The following RNF220 variants were observed in gnomAD, a reference collection of about 807,000 sequenced individuals.
RNF220 encodes E3 ubiquitin-protein ligase RNF220.
RNF220 carries 7 observed loss-of-function variants against 67.1 expected under a neutral mutation model. That is an observed-to-expected ratio of 0.10 (90% CI 0.06 to 0.20). The LOEUF is 0.20. Among genes scored for constraint, RNF220 ranks in the 10% least tolerant of loss-of-function variants. The pLI is 1.00. For synonymous variants in RNF220, 270 were observed against 283.2 expected (o/e 0.95, Z 0.47); for missense variants, 565 against 740.3 (o/e 0.76, Z 2.75).
At chr1:44,618,188 C>T (rs1557443506) in intron 3 of RNF220, among the ~76,000 whole-genome samples, 1 of 152,228 alleles carries the variant, frequency 6.6e-6, no homozygotes, top group Non-Finnish European at 1.5e-5. Context: ...CTATTTCAGA[C>T]ACACTCACGG....
rs1011978971 is a variant in RNF220, at chr1:44,417,491, G to T, written c.625+4769G>T. On this transcript the variant is annotated intron_variant, in intron 2 of 14. Coordinates refer to ENST00000361799, the MANE Select transcript of RNF220 (RefSeq NM_018150.4). The surrounding 1 kb of genome is among the most constrained non-coding windows in gnomAD (Gnocchi z 4.0). ...GGCGCGCCGCTCGCCTGGCGGCTGG[G>T]CTCGCTGTAGTTGTGCTCCCGCTCT... Among the ~76,000 whole-genome samples, 1 of 152,004 alleles carries T rather than the reference G, an allele frequency of 6.6e-6. No homozygotes were observed. Among genetic ancestry groups the T allele is most frequent in the South Asian group, 2.1e-4 (1 of 4,820 alleles).
intron 1 of RNF220, among the ~76,000 whole-genome samples, chr1:44,406,220 G>T (rs1286927895): frequency 1.4e-5 from 2 of 147,868 alleles, no homozygotes; most frequent in Non-Finnish European, 2.9e-5. Context: ...GGGCGGGTGT[G>T]AAGGGTGTGG....
At position 44,527,923 on chromosome 1, in the gene RNF220, CCCAAAAAAAAA is replaced by C. The variant is rs1238507716; in HGVS notation, c.626-86241_626-86231del. Among the ~76,000 whole-genome samples, 16 of 7,402 alleles carry C rather than the reference CCCAAAAAAAAA, an allele frequency of 2.2e-3. No homozygotes were observed. In the South Asian group the frequency reaches 0.16, roughly 75 times the overall value. The allele number at this position is 7,402 out of a possible 152,430, so 4.9% of individuals were successfully genotyped here. On this transcript the variant is annotated intron_variant, in intron 2 of 14. Transcript: ENST00000361799. ...CCTGGGTGACAGAGCAAGACTCCATCCCAAAAAAAAAAAAAAAAAAAAAAAAAAGTTAAATG... is the reference window on the plus strand; with the variant it reads ...CCTGGGTGACAGAGCAAGACTCCATCAAAAAAAAAAAAAAAAAGTTAAATG...
intron 2 of RNF220, among the ~76,000 whole-genome samples, chr1:44,446,428 G>C (rs750487871): frequency 6.6e-6 from 1 of 152,208 alleles, no homozygotes; most frequent in Admixed American, 6.5e-5. Context: ...TTCTGCTAGA[G>C]AGAGTATGAT....
chr1:44,624,352 T>C lies in RNF220; in HGVS notation c.804+1565T>C, dbSNP rs1643883136. The stretch of plus-strand genomic sequence containing the variant: ...ACTTGGACATCAGTGAGGCCTGTGT[T>C]CTAAGGACAAACCCCTGGCAGACAC... On this transcript the variant is annotated intron_variant, in intron 4 of 14. Transcript: ENST00000361799. This position sits in a 1 kb window ranked among gnomAD's most constrained non-coding sequence, Gnocchi z 4.2. Among the ~76,000 whole-genome samples the C allele has an allele frequency of 6.6e-6, 1 of 152,160 alleles. No homozygotes were observed. Among genetic ancestry groups the C allele is most frequent in the African/African-American group, 2.4e-5 (1 of 41,426 alleles).
chr1:44,409,476 G>A (rs1335166005), intron 1 of RNF220, among the ~76,000 whole-genome samples: 2 of 152,178 alleles, frequency 1.3e-5, no homozygotes, highest in Non-Finnish European at 2.9e-5. Flanking sequence ...CCTTTCAGCG[G>A]GGATGTCAGC....
intron 2 of RNF220, among the ~76,000 whole-genome samples, chr1:44,486,425 A>AAAAT (rs1656312604): frequency 5.3e-5 from 8 of 152,198 alleles, no homozygotes; most frequent in Admixed American, 5.2e-4. Context: ...TTTCTTTTTA[A>AAAAT]AAATAACTTT....
At chr1:44,627,075 G>A (rs1277516135) in intron 5 of RNF220, 5 of 132,744 alleles carry the variant, frequency 3.8e-5, no homozygotes. Context: ...GGCTAGGCGT[G>A]GTGGCTCATG....
At chr1:44,472,194 T>C (rs1386267967) in intron 2 of RNF220, among the ~76,000 whole-genome samples, 1 of 152,242 alleles carries the variant, frequency 6.6e-6, no homozygotes, top group Non-Finnish European at 1.5e-5. Context: ...TACAAGTTTT[T>C]GTGTGGACAT....
intron 1 of RNF220, among the ~76,000 whole-genome samples, chr1:44,406,812 C>T (rs1340643): frequency 1.3e-5 from 2 of 152,262 alleles, no homozygotes; most frequent in Non-Finnish European, 2.9e-5. Flanking sequence ...CGTGTGGCCC[C>T]CCGGGCGAGG....
chr1:44,590,928 G>T (rs112893832), intron 2 of RNF220, among the ~76,000 whole-genome samples: 1 of 152,216 alleles, frequency 6.6e-6, no homozygotes, highest in East Asian at 1.9e-4. Flanking sequence ...CAGGCAGAGG[G>T]AACAGCATGG....
chr1:44,520,085 T>TTGTGTGTGTGTGTGTGTG (rs1167831790), intron 2 of RNF220, among the ~76,000 whole-genome samples: 3 of 106,386 alleles, frequency 2.8e-5, no homozygotes, highest in African/African-American at 7.0e-5. Context: ...AAGTCCAGCA[T>TTGTGTGTGTGTGTGTGTG]TGTGTGTGTG....
At chr1:44,438,914 C>T (rs1366403058) in intron 2 of RNF220, among the ~76,000 whole-genome samples, 2 of 152,174 alleles carry the variant, frequency 1.3e-5, no homozygotes, top group African/African-American at 2.4e-5. Flanking sequence ...ACAGATACTA[C>T]TGTATGTCAA....
intron 2 of RNF220, among the ~76,000 whole-genome samples, chr1:44,535,130 T>C (rs1381416605): frequency 7.3e-6 from 1 of 136,084 alleles, no homozygotes; most frequent in East Asian, 2.1e-4. Context: ...AGGAGGCAGC[T>C]TCTTCTTTTT....
At chr1:44,627,472 T>C (rs1171411882) in intron 5 of RNF220, among the ~76,000 whole-genome samples, 20 of 148,574 alleles carry the variant, frequency 1.3e-4, no homozygotes, top group Admixed American at 1.3e-3. Flanking sequence ...CTTGGGCAAA[T>C]AGGAAGGGAG....
Position 44,626,345 on chromosome 1 carries a change from G to T in RNF220, c.853G>T (p.Ala285Ser). Residue 285 changes from alanine to serine, a missense_variant, in exon 5 of 15, where the codon GCA becomes TCA. Physicochemically the swap from Ala to Ser is moderately conservative, Grantham distance 99. Transcript: ENST00000361799. ...CAAGAGGGAAGGAGAGTCTCCAACG[G>T]CATCACCCCACTCATCTGCCACCGA... ...SIKREGESPTASPHSSATDDL... is the reference protein window; with the variant it reads ...SIKREGESPTSSPHSSATDDL... 6.2e-7 allele frequency: 1 copy of T among 1,614,058 alleles called. No homozygotes were observed. Among genetic ancestry groups the T allele is most frequent in the Non-Finnish European group, 8.5e-7 (1 of 1,180,000 alleles).
In RNF220 at chr1:44,632,110, C is replaced by T. The variant is rs779919263; in HGVS notation, c.907-233C>T. 9.9e-5 allele frequency: 146 copies of T among 1,471,282 alleles called. 1 individual carries two copies. In the African/African-American group the frequency reaches 1.7e-3, roughly 17 times the overall value. 91.1% of individuals were successfully genotyped at this position (1,471,282 alleles called of 1,614,324 possible). On this transcript the variant is annotated intron_variant, in intron 5 of 14. Coordinates refer to ENST00000361799, the MANE Select transcript of RNF220 (RefSeq NM_018150.4). ...GCCGGAGGCCAGGGCTGGGGCGGCACCGCGCAGCGGCCACGGGGTCCCGTT... is the reference window on the plus strand; with the variant it reads ...GCCGGAGGCCAGGGCTGGGGCGGCATCGCGCAGCGGCCACGGGGTCCCGTT...
chr1:44,495,612 T>G (rs141868584), intron 2 of RNF220, among the ~76,000 whole-genome samples: 4 of 152,342 alleles, frequency 2.6e-5, no homozygotes, highest in Non-Finnish European at 5.9e-5. Context: ...ATTTTTGTAT[T>G]TTTAATAGAG....
rs1028136084 is a variant in RNF220 at position 44,526,072 on chromosome 1, C to G, written c.626-88093C>G. Among the ~76,000 whole-genome samples, 4 of 152,330 alleles carry G rather than the reference C, an allele frequency of 2.6e-5. No homozygotes were observed. The South Asian group carries it at 6.2e-4, about 24-fold the overall frequency. Reference sequence around the variant, plus strand: ...GATCAACATCTTTAAAGAATTTCTTCGTGCCATTTCCTCACCCTTTTGCCT... The same window carrying G: ...GATCAACATCTTTAAAGAATTTCTTGGTGCCATTTCCTCACCCTTTTGCCT... On this transcript the variant is annotated intron_variant, in intron 2 of 14. Transcript: ENST00000361799.
Sources: allele counts gnomAD v4.1 joint callset (sites outside exome capture counted in the v4.1 genomes callset), GRCh38; gene constraint gnomAD v4.1.1; non-coding constraint Gnocchi (gnomAD v3.1); transcripts MANE v1.5; gene names NCBI Gene and HGNC (gene_info 2026-07-23, HGNC 2026-07-21).